The following TDRD1 variants were observed in gnomAD, a reference collection of about 807,000 sequenced individuals.
TDRD1 encodes tudor domain-containing protein 1.
TDRD1 carries 37 observed loss-of-function variants against 140.6 expected under a neutral mutation model. The observed-to-expected ratio is 0.26, with a 90% CI of 0.20 to 0.35. The LOEUF (loss-of-function observed/expected upper bound fraction) is 0.35. Ranked by LOEUF, TDRD1 falls within the 10% of genes least tolerant of loss-of-function variation. TDRD1 has a pLI of 1.00. For synonymous variants in TDRD1, 506 were observed against 475.7 expected, an observed-to-expected ratio of 1.06 and a Z score of -0.83; for missense variants, 1,243 against 1,393.0, an observed-to-expected ratio of 0.89 and a Z score of 1.71.
intron 20 of TDRD1, 104 bp downstream of exon 20, chr10:114,221,580 A>G: frequency 8.6e-7 from 1 of 1,156,312 alleles, no homozygotes. Context: ...AAAGAGGCTC[A>G]CTGTTTTAAG....
chr10:114,193,311 T>G (rs1203897933), intron 3 of TDRD1, among the ~76,000 whole-genome samples: 2 of 145,534 alleles, frequency 1.4e-5, no homozygotes, highest in Non-Finnish European at 3.0e-5. Context: ...TTTTTTTTTT[T>G]GAGACAGTTT....
upstream of TDRD1, among the ~76,000 whole-genome samples, chr10:114,175,393 A>G (rs914032573): frequency 6.6e-6 from 1 of 152,226 alleles, no homozygotes; most frequent in Non-Finnish European, 1.5e-5. Flanking sequence ...AAAGAAATAC[A>G]AATATAAACC....
rs3763757 is a variant in TDRD1, at chr10:114,231,949, A to C, written c.*432A>C. The C allele has an allele frequency of 4.7e-3, 722 of 155,024 alleles. 13 individuals are homozygous for C. In the East Asian group the frequency reaches 0.056, roughly 12 times the overall value. 9.6% of individuals were successfully genotyped at this position (155,024 alleles called of 1,614,324 possible). On this transcript the variant is annotated 3_prime_UTR_variant, in exon 26 of 26. Transcript: ENST00000251864. ...GGTGACAGATTTTGTCTTAAAAAAA[A>C]AAAAAAAAAAGTTGATATGAGTTTT...
intron 13 of TDRD1, 93 bp from the exon 14 acceptor site, chr10:114,211,773 C>A: frequency 1.6e-6 from 2 of 1,270,224 alleles, no homozygotes; most frequent in Admixed American, 2.9e-5. Context: ...AAAGAAAAAT[C>A]TATAAATGAC....
intron 6 of TDRD1, among the ~76,000 whole-genome samples, chr10:114,202,621 C>A (rs566879404): frequency 1.3e-5 from 2 of 152,166 alleles, no homozygotes; most frequent in East Asian, 3.9e-4. Flanking sequence ...ATAGTAGTTC[C>A]CCATTTAGGC....
intron 3 of TDRD1, 136 bp downstream of exon 3, chr10:114,191,155 AAAG>A (rs1339164716): frequency 9.3e-6 from 9 of 966,494 alleles, no homozygotes; most frequent in Middle Eastern, 3.3e-4. Context: ...ATTTTTAAAA[AAAG>A]AAAACTTTCT....
chr10:114,213,002 A>G (rs34453747), intron 14 of TDRD1, among the ~76,000 whole-genome samples: 24,722 of 152,174 alleles, frequency 0.16, 2,181 homozygotes, highest in Middle Eastern at 0.21. Flanking sequence ...GTTTCTGGAC[A>G]TTGTGTATCA....
chr10:114,218,422 A>T (rs1375814742), exon 18 of TDRD1: 1 of 1,583,784 alleles, frequency 6.3e-7, no homozygotes, highest in Non-Finnish European at 8.6e-7. Context: ...AGGTGATGGT[A>T]GTTGGTATCG....
intron 4 of TDRD1, among the ~76,000 whole-genome samples, chr10:114,199,846 A>G (rs2034612534): frequency 1.3e-5 from 2 of 152,198 alleles, no homozygotes; most frequent in South Asian, 4.1e-4. Context: ...ACCATAGTCA[A>G]ACTGTTCTAT....
At chr10:114,209,218 A>C (rs909647250) in intron 11 of TDRD1, among the ~76,000 whole-genome samples, 5 of 152,106 alleles carry the variant, frequency 3.3e-5, no homozygotes. Flanking sequence ...GCAACATAGC[A>C]AGACCTCTTA....
At chr10:114,188,938 G>A (rs932987230) in intron 2 of TDRD1, among the ~76,000 whole-genome samples, 2 of 149,088 alleles carry the variant, frequency 1.3e-5, no homozygotes, top group Admixed American at 1.3e-4. Context: ...TAGCCTCTTT[G>A]AAGGTATATG....
intron 25 of TDRD1, among the ~76,000 whole-genome samples, chr10:114,230,956 A>G (rs1416638486): frequency 2.0e-5 from 3 of 152,254 alleles, no homozygotes; most frequent in Admixed American, 6.5e-5. Flanking sequence ...AGTCCCAGCT[A>G]CTGGGGAGGC....
At chr10:114,218,370 T>G in intron 17 of TDRD1, 44 bp from the exon 18 acceptor site, 1 of 1,330,970 alleles carries the variant, frequency 7.5e-7, no homozygotes, top group East Asian at 2.7e-5. Context: ...CAAGTGTCGA[T>G]AGAAAGGAAA....
intron 3 of TDRD1, among the ~76,000 whole-genome samples, chr10:114,192,461 C>G (rs182081455): frequency 6.6e-6 from 1 of 151,590 alleles, no homozygotes; most frequent in Non-Finnish European, 1.5e-5. Flanking sequence ...GCCGCCACTA[C>G]GCCTGGCTAA....
intron 3 of TDRD1, among the ~76,000 whole-genome samples, chr10:114,198,540 G>A (rs1003352367): frequency 6.6e-6 from 1 of 152,186 alleles, no homozygotes; most frequent in Non-Finnish European, 1.5e-5. Context: ...TGGGAGTGGG[G>A]CCACAGTTTT....
chr10:114,187,111 A>G (rs2033597716), intron 1 of TDRD1, among the ~76,000 whole-genome samples: 1 of 152,226 alleles, frequency 6.6e-6, no homozygotes, highest in Admixed American at 6.5e-5. Context: ...TTGTGGATAG[A>G]GGTTTCTCAG....
chr10:114,229,338 A>G (rs1442678421), intron 25 of TDRD1, among the ~76,000 whole-genome samples: 1 of 152,214 alleles, frequency 6.6e-6, no homozygotes, highest in Non-Finnish European at 1.5e-5. Context: ...AACTGTGTTA[A>G]AACATATCTT....
At chr10:114,187,939 A>G in exon 2 of TDRD1, 3 of 1,613,882 alleles carry the variant, frequency 1.9e-6, no homozygotes, top group South Asian at 1.1e-5. Flanking sequence ...ACAAGCTTCC[A>G]CCACATGAGT....
chr10:114,227,989 T>A (rs369135313), intron 24 of TDRD1, 33 bp downstream of exon 24: 1 of 1,611,542 alleles, frequency 6.2e-7, no homozygotes, highest in East Asian at 2.2e-5. Flanking sequence ...GAAATTATAC[T>A]CCTAACGTTT....
Sources: allele counts gnomAD v4.1 joint callset (sites outside exome capture counted in the v4.1 genomes callset), GRCh38; gene constraint gnomAD v4.1.1; transcripts MANE v1.5; gene names NCBI Gene and HGNC (gene_info 2026-07-23, HGNC 2026-07-21).